Variants in PFKP observed in about 807,000 individuals in gnomAD.
The protein encoded by PFKP is phosphofructokinase, platelet.
PFKP carries 101 observed loss-of-function variants against 94.3 expected under a neutral mutation model. That is an observed-to-expected ratio of 1.07 (90% CI 0.91 to 1.26). The LOEUF (loss-of-function observed/expected upper bound fraction) is 1.26, where lower values mean the gene tolerates loss of function less well. PFKP is among the 50% of genes most tolerant of loss of function. PFKP has a pLI of 0.00. For missense variants in PFKP, 1,145 were observed against 1,103.3 expected, an observed-to-expected ratio of 1.04 and a Z score of -0.53; for synonymous variants, 573 against 432.6, an observed-to-expected ratio of 1.32 and a Z score of -4.03.
chr10:3,073,624 C>G (rs1419299514), intron 1 of PFKP, among the ~76,000 whole-genome samples: 7 of 151,880 alleles, frequency 4.6e-5, no homozygotes, highest in African/African-American at 1.7e-4. Context: ...TGTTTTCTGA[C>G]TTTGACCAGG....
intron 2 of PFKP, among the ~76,000 whole-genome samples, chr10:3,088,284 T>C (rs1015543095): frequency 3.9e-5 from 6 of 152,018 alleles, no homozygotes; most frequent in Non-Finnish European, 7.4e-5. Flanking sequence ...CTGAGAATAA[T>C]GGTTTCCAGC....
chr10:3,129,693 G>A, intron 16 of PFKP, 126 bp from the exon 17 acceptor site: 1 of 983,868 alleles, frequency 1.0e-6, no homozygotes, highest in Non-Finnish European at 1.5e-6. Flanking sequence ...CACCTCTGCG[G>A]GATGCTGGGA....
Position 3,115,967 on chromosome 10 carries a change from G to A in PFKP, c.1372-809G>A, listed in dbSNP as rs1021985923. Among the ~76,000 whole-genome samples, 13 of 152,156 alleles carry A rather than the reference G, an allele frequency of 8.5e-5. 1 individual carries two copies. The highest frequency in any genetic ancestry group is 3.9e-4 in the Admixed American group (6 of 15,276). Reference sequence around the variant, plus strand: ...CACCCGCATCTCAGCAGCAGGAACCGGATGAGGAACCGTTCTGTCCTGGGT... The same window carrying A: ...CACCCGCATCTCAGCAGCAGGAACCAGATGAGGAACCGTTCTGTCCTGGGT... On this transcript the variant is annotated intron_variant, in intron 13 of 21. Transcript: ENST00000381125.
At chr10:3,135,032 TCTTC>T (rs1467028195) in intron 20 of PFKP, among the ~76,000 whole-genome samples, 1 of 151,894 alleles carries the variant, frequency 6.6e-6, no homozygotes, top group East Asian at 1.9e-4. Context: ...CTGTGCATGT[TCTTC>T]CTTAAATCAG....
chr10:3,071,546 ACT>A (rs1262233688), intron 1 of PFKP, among the ~76,000 whole-genome samples: 2 of 150,298 alleles, frequency 1.3e-5, no homozygotes, highest in Non-Finnish European at 3.0e-5. Flanking sequence ...AAGCTCCATA[ACT>A]CTGAATGGCG....
intron 19 of PFKP, among the ~76,000 whole-genome samples, chr10:3,134,142 A>G (rs1049413951): frequency 1.3e-5 from 2 of 152,192 alleles, no homozygotes; most frequent in African/African-American, 4.8e-5. Flanking sequence ...CATATGTGTG[A>G]TCTTCTTAAA....
intron 19 of PFKP, 64 bp from the exon 20 acceptor site, chr10:3,134,419 T>C: frequency 2.0e-6 from 2 of 1,004,208 alleles, no homozygotes; most frequent in South Asian, 2.7e-5. Context: ...GAAATTGTCA[T>C]TTCTATTTAA....
At chr10:3,098,672 C>CAAAAAAAAAAAAAAAAAAA (rs5782682) in intron 2 of PFKP, among the ~76,000 whole-genome samples, 3 of 107,168 alleles carry the variant, frequency 2.8e-5, no homozygotes, top group African/African-American at 1.1e-4. Flanking sequence ...GACTCCGTCT[C>CAAAAAAAAAAAAAAAAAAA]AAAAAAAAAA....
At chr10:3,102,519 T>TTC (rs1835119688) in intron 4 of PFKP, among the ~76,000 whole-genome samples, 1 of 151,874 alleles carries the variant, frequency 6.6e-6, no homozygotes, top group African/African-American at 2.4e-5. Context: ...GTTCAAGCAA[T>TTC]TCTCCTGCCT....
At chr10:3,134,896 G>A (rs59988586) in intron 20 of PFKP, among the ~76,000 whole-genome samples, 19,807 of 152,168 alleles carry the variant, frequency 0.13, 1,316 homozygotes, top group Non-Finnish European at 0.14. Context: ...TTTAAGTGGG[G>A]CCTTCTATTT....
Position 3,115,232 on chromosome 10 carries a change from C to T in PFKP, c.1372-1544C>T, listed in dbSNP as rs116676898. 5.6e-3 allele frequency among the ~76,000 whole-genome samples: 822 copies of T among 146,270 alleles called. 13 individuals are homozygous for T. The highest frequency in any genetic ancestry group is 0.02 in the African/African-American group (777 of 39,834). The stretch of plus-strand genomic sequence containing the variant: ...GAGGCCAGGGTGAAAGTGTGTGTCC[C>T]ACGGCCGAGGACAGGACTGGGGATG... On this transcript the variant is annotated intron_variant, in intron 13 of 21. Coordinates refer to ENST00000381125, the MANE Select transcript of PFKP (RefSeq NM_002627.5).
chr10:3,136,793 ATG>A lies in PFKP; in HGVS notation c.*215_*216del. ...AGCAGAATTAATTAAACATTTGCCTATGACTCCAACAGTCCTCTGTTTTAGTT... is the reference window on the plus strand; with the variant it reads ...AGCAGAATTAATTAAACATTTGCCTAACTCCAACAGTCCTCTGTTTTAGTT... On this transcript the variant is annotated 3_prime_UTR_variant, in exon 22 of 22. Coordinates refer to ENST00000381125, the MANE Select transcript of PFKP (RefSeq NM_002627.5). 2.1e-6 allele frequency: 1 copy of A among 472,668 alleles called. No individual in the cohort carries two copies. The allele number at this position is 472,668 out of a possible 1,614,324, so 29.3% of individuals were successfully genotyped here.
chr10:3,112,088 A>C, intron 10 of PFKP, 134 bp from the exon 11 acceptor site: 1 of 730,084 alleles, frequency 1.4e-6, no homozygotes, highest in Admixed American at 2.0e-5. Flanking sequence ...TAGACCATTA[A>C]CCCTGGGGCT....
chr10:3,097,967 C>T (rs1187369399), intron 2 of PFKP, among the ~76,000 whole-genome samples: 1 of 152,132 alleles, frequency 6.6e-6, no homozygotes, highest in Non-Finnish European at 1.5e-5. Flanking sequence ...CGAGATCGTG[C>T]CACTGCACTC....
intron 9 of PFKP, 100 bp downstream of exon 9, chr10:3,108,893 C>A: frequency 1.1e-6 from 1 of 870,282 alleles, no homozygotes; most frequent in South Asian, 1.3e-5. Context: ...GCAAGGTGCT[C>A]CCCGAGAGAT....
At chr10:3,133,801 T>G (rs1277933245) in intron 19 of PFKP, among the ~76,000 whole-genome samples, 7 of 152,164 alleles carry the variant, frequency 4.6e-5, no homozygotes, top group African/African-American at 1.4e-4. Context: ...GAGGTTTGAG[T>G]AATGGGGATT....
chr10:3,097,077 C>CAAAAAAAAAAA lies in PFKP; in HGVS notation c.187-2191_187-2190insAAAAAAAAAAA, dbSNP rs149491756. Among the ~76,000 whole-genome samples, 10 of 98,404 alleles carry CAAAAAAAAAAA rather than the reference C, an allele frequency of 1.0e-4. 1 individual carries two copies. The highest frequency in any genetic ancestry group is 4.2e-4 in the African/African-American group (10 of 23,602). The allele number at this position is 98,404 out of a possible 152,430, so 64.6% of individuals were successfully genotyped here. On this transcript the variant is annotated intron_variant, in intron 2 of 21. Transcript: ENST00000381125. ...TGGGTGACACAGCGAGACTCCGTCT[C>CAAAAAAAAAAA]AAAAAAACAAAAAACAAAAAAACCT...
chr10:3,088,117 G>T (rs111889748), intron 2 of PFKP, among the ~76,000 whole-genome samples: 2 of 147,282 alleles, frequency 1.4e-5, no homozygotes, highest in East Asian at 2.0e-4. Context: ...TTTACATTAG[G>T]TATATCTCCT....
intron 17 of PFKP, among the ~76,000 whole-genome samples, chr10:3,130,991 A>G (rs980679790): frequency 3.3e-5 from 5 of 152,224 alleles, no homozygotes; most frequent in Non-Finnish European, 7.3e-5. Flanking sequence ...GGAGTCATTC[A>G]CTGCATCATG....
Sources: gnomAD v4.1 joint callset for allele counts (sites outside exome capture counted in the v4.1 genomes callset) on GRCh38, gnomAD v4.1.1 for gene constraint, MANE v1.5 for transcripts, NCBI Gene and HGNC (gene_info 2026-07-23, HGNC 2026-07-21) for gene names.